SGCZ: variants seen among roughly 807,000 people sequenced by gnomAD.
SGCZ encodes the protein sarcoglycan zeta, also known as zeta-sarcoglycan.
A neutral mutation model predicts 41.3 loss-of-function variants in SGCZ; 40 were observed. That is an observed-to-expected ratio of 0.97 (90% confidence interval 0.75 to 1.26). The LOEUF (loss-of-function observed/expected upper bound fraction) is 1.26. Ranked by LOEUF, SGCZ falls within the 50% of genes most tolerant of loss-of-function variation. The probability of loss-of-function intolerance (pLI) is 0.00; values close to 1 mark genes in which losing one functional copy is unlikely to be tolerated. For missense variants in SGCZ, 552 were observed against 369.8 expected (o/e 1.49, Z -4.04); for synonymous variants, 206 against 137.5 (o/e 1.50, Z -3.49).
At chr8:15,085,143 A>C (rs183659593) in intron 1 of SGCZ, among the ~76,000 whole-genome samples, 1 of 152,322 alleles carries the variant, frequency 6.6e-6, no homozygotes, top group East Asian at 1.9e-4. Flanking sequence ...ACTTTGACAA[A>C]TGTAGACAGC....
chr8:14,344,255 A>G (rs953854830), intron 2 of SGCZ, among the ~76,000 whole-genome samples: 1 of 152,050 alleles, frequency 6.6e-6, no homozygotes, highest in African/African-American at 2.4e-5. Context: ...AGCTATTTTA[A>G]TTGAAGAATA....
chr8:14,329,146 G>C (rs968734056), intron 2 of SGCZ, among the ~76,000 whole-genome samples: 2 of 152,010 alleles, frequency 1.3e-5, no homozygotes, highest in Admixed American at 6.6e-5. Context: ...TTTACCTATT[G>C]TTCACAGACA....
intron 1 of SGCZ, among the ~76,000 whole-genome samples, chr8:14,732,828 CAT>C (rs1431630034): frequency 6.6e-6 from 1 of 152,086 alleles, no homozygotes. Context: ...AAAAAAAAGA[CAT>C]AACTATGTAC....
intron 3 of SGCZ, among the ~76,000 whole-genome samples, chr8:14,323,112 T>C (rs967844416): frequency 5.3e-5 from 8 of 152,056 alleles, no homozygotes; most frequent in Admixed American, 1.3e-4. Flanking sequence ...GCTGTATCAG[T>C]TTGCATATTT....
chr8:14,271,736 TC>T (rs1800066020), intron 3 of SGCZ, among the ~76,000 whole-genome samples: 1 of 152,190 alleles, frequency 6.6e-6, no homozygotes, highest in Non-Finnish European at 1.5e-5. Context: ...ACCCTCTACT[TC>T]CTTGTCCGCT....
chr8:15,195,890 A>ATTTTTTTTTTTTTTTTTTTTTTTTTT (rs10548247), intron 1 of SGCZ, among the ~76,000 whole-genome samples: 2 of 73,150 alleles, frequency 2.7e-5, no homozygotes, highest in Non-Finnish European at 2.6e-5. Context: ...TTAGGCTTCG[A>ATTTTTTTTTTTTTTTTTTTTTTTTTT]TTTTTTTTTT....
chr8:14,849,437 T>G (rs967867414), intron 1 of SGCZ, among the ~76,000 whole-genome samples: 1 of 152,102 alleles, frequency 6.6e-6, no homozygotes, highest in African/African-American at 2.4e-5. Context: ...AACAGGTGAA[T>G]AGATTCCATA....
intron 1 of SGCZ, among the ~76,000 whole-genome samples, chr8:15,180,795 G>A (rs1800150987): frequency 6.6e-6 from 1 of 151,676 alleles, no homozygotes; most frequent in Non-Finnish European, 1.5e-5. Context: ...GCTGAGGCAG[G>A]AGAATGGCAT....
At chr8:14,140,126 T>C (rs1803321790) in intron 5 of SGCZ, among the ~76,000 whole-genome samples, 1 of 152,180 alleles carries the variant, frequency 6.6e-6, no homozygotes, top group Non-Finnish European at 1.5e-5. Context: ...TCAACAACCT[T>C]CATGCTAAAA....
chr8:15,191,963 C>G (rs1476213009), intron 1 of SGCZ, among the ~76,000 whole-genome samples: 1 of 152,034 alleles, frequency 6.6e-6, no homozygotes, highest in Non-Finnish European at 1.5e-5. Flanking sequence ...AACTAAATCT[C>G]AGTTTTCTCA....
At chr8:14,978,500 A>C (rs1374157533) in intron 1 of SGCZ, among the ~76,000 whole-genome samples, 1 of 131,502 alleles carries the variant, frequency 7.6e-6, no homozygotes, top group East Asian at 2.3e-4. Flanking sequence ...AAAAAAAAAA[A>C]AAAAAATTGT....
chr8:15,227,405 G>A (rs989326789), intron 1 of SGCZ, among the ~76,000 whole-genome samples: 1 of 152,118 alleles, frequency 6.6e-6, no homozygotes, highest in Non-Finnish European at 1.5e-5. Flanking sequence ...ATTCAATCAT[G>A]CACATACCAG....
intron 1 of SGCZ, among the ~76,000 whole-genome samples, chr8:14,750,732 C>G (rs1799473536): frequency 6.6e-6 from 1 of 152,170 alleles, no homozygotes; most frequent in Non-Finnish European, 1.5e-5. Context: ...GATGACATGT[C>G]TGGGTATGCA....
chr8:14,856,287 T>C (rs567235284), intron 1 of SGCZ, among the ~76,000 whole-genome samples: 1 of 152,308 alleles, frequency 6.6e-6, no homozygotes, highest in East Asian at 1.9e-4. Context: ...ACGAATCCTA[T>C]ATTTGGCAGT....
chr8:15,149,985 G>C (rs1434640644), intron 1 of SGCZ, among the ~76,000 whole-genome samples: 1 of 152,116 alleles, frequency 6.6e-6, no homozygotes, highest in Non-Finnish European at 1.5e-5. Context: ...TCTATATTTA[G>C]TTAGATGGAA....
chr8:14,653,087 T>A (rs1245044301), intron 1 of SGCZ, among the ~76,000 whole-genome samples: 1 of 152,124 alleles, frequency 6.6e-6, no homozygotes, highest in Non-Finnish European at 1.5e-5. Flanking sequence ...GTCTATTATC[T>A]AGAATTGGAA....
At chr8:14,349,883 A>G (rs1311289996) in intron 2 of SGCZ, among the ~76,000 whole-genome samples, 1 of 152,158 alleles carries the variant, frequency 6.6e-6, no homozygotes. Flanking sequence ...CCTTTTACAG[A>G]CACATAATAG....
intron 4 of SGCZ, among the ~76,000 whole-genome samples, chr8:14,208,502 C>T (rs959336805): frequency 6.6e-6 from 1 of 152,144 alleles, no homozygotes; most frequent in African/African-American, 2.4e-5. Context: ...ATAATTTTGT[C>T]AACCACATTA....
chr8:14,833,076 C>A (rs1802586102), intron 1 of SGCZ, among the ~76,000 whole-genome samples: 1 of 151,812 alleles, frequency 6.6e-6, no homozygotes, highest in Non-Finnish European at 1.5e-5. Flanking sequence ...ATAGTAGAAC[C>A]TAAAACATGA....
Sources: gnomAD v4.1 joint callset for allele counts (sites outside exome capture counted in the v4.1 genomes callset) on GRCh38, gnomAD v4.1.1 for gene constraint, MANE v1.5 for transcripts, NCBI Gene and HGNC (gene_info 2026-07-23, HGNC 2026-07-21) for gene names.